TIAM2: variants seen among roughly 807,000 people sequenced by gnomAD.
The protein encoded by TIAM2 is rho guanine nucleotide exchange factor TIAM2.
In TIAM2, 80 loss-of-function variants were observed where a neutral mutation model predicts 152.9. The ratio of observed to expected loss-of-function variants is 0.52; its 90% CI spans 0.44 to 0.63. The LOEUF is 0.63. TIAM2 is among the 30% of genes least tolerant of loss of function. The probability of loss-of-function intolerance (pLI) is 0.00; values close to 1 mark genes in which losing one functional copy is unlikely to be tolerated. For missense variants in TIAM2, 1,965 were observed against 2,120.1 expected, an observed-to-expected ratio of 0.93 and a Z score of 1.44; for synonymous variants, 804 against 838.0, an observed-to-expected ratio of 0.96 and a Z score of 0.70.
At chr6:155,053,631 C>T (rs1777373506) in intron 1 of TIAM2, among the ~76,000 whole-genome samples, 1 of 152,032 alleles carries the variant, frequency 6.6e-6, no homozygotes, top group Non-Finnish European at 1.5e-5. Context: ...CCACCATGCC[C>T]AGCTAATTTT....
chr6:155,195,984 A>C (rs1314030222), intron 14 of TIAM2, among the ~76,000 whole-genome samples: 8 of 152,208 alleles, frequency 5.3e-5, no homozygotes, highest in Non-Finnish European at 7.3e-5. Flanking sequence ...GAGGGAAGGG[A>C]GAAGCCGTTG....
At chr6:155,092,050 A>G (rs1030866957) in intron 2 of TIAM2, among the ~76,000 whole-genome samples, 1 of 152,024 alleles carries the variant, frequency 6.6e-6, no homozygotes, top group Admixed American at 6.5e-5. Context: ...GGCCCACACC[A>G]CTGGGCCCGG....
intron 15 of TIAM2, among the ~76,000 whole-genome samples, chr6:155,220,128 G>T (rs997272430): frequency 1.3e-5 from 2 of 152,250 alleles, no homozygotes; most frequent in African/African-American, 4.8e-5. Flanking sequence ...AAAGTGGGCA[G>T]TGGGGCTGTT....
In TIAM2 at chr6:155,054,193, A is replaced by G. The variant is rs1418166303; in HGVS notation, c.-208-36096A>G. Among the ~76,000 whole-genome samples, 4 of 151,978 alleles carry G rather than the reference A, an allele frequency of 2.6e-5. No individual in the cohort carries two copies. The East Asian group carries it at 7.7e-4, about 29-fold the overall frequency. ...CATCTCACAAACAAAACAAAACAAA[A>G]CAAAAACCACTGTTGGTCTCTGTGA... On this transcript the variant is annotated intron_variant, in intron 1 of 26. Transcript: ENST00000682666.
intron 1 of TIAM2, among the ~76,000 whole-genome samples, chr6:155,044,897 CT>C (rs1777132196): frequency 6.6e-6 from 1 of 151,832 alleles, no homozygotes; most frequent in Non-Finnish European, 1.5e-5. Context: ...GTGTTTTGCT[CT>C]CTGTTTTTCA....
intron 9 of TIAM2, among the ~76,000 whole-genome samples, chr6:155,166,647 A>G (rs1780445528): frequency 6.6e-6 from 1 of 152,190 alleles, no homozygotes. Context: ...TTAAGGAAAA[A>G]TAGTCTAAGC....
intron 1 of TIAM2, among the ~76,000 whole-genome samples, chr6:155,057,891 A>G (rs542343505): frequency 4.2e-4 from 64 of 152,242 alleles, no homozygotes; most frequent in African/African-American, 1.5e-3. Context: ...CAGTCCACAC[A>G]TAAGTTATCT....
chr6:155,196,723 A>G (rs937106176), intron 14 of TIAM2, among the ~76,000 whole-genome samples: 1 of 152,244 alleles, frequency 6.6e-6, no homozygotes, highest in African/African-American at 2.4e-5. Flanking sequence ...GAATAAATCA[A>G]TAGGCTTTGA....
chr6:155,056,925 C>T (rs530523009), intron 1 of TIAM2, among the ~76,000 whole-genome samples: 1 of 150,252 alleles, frequency 6.7e-6, no homozygotes, highest in South Asian at 2.1e-4. Context: ...TTAGCTGTGA[C>T]AGTTTCTGAG....
intron 20 of TIAM2, among the ~76,000 whole-genome samples, chr6:155,248,505 C>T (rs536838862): frequency 9.2e-5 from 14 of 152,332 alleles, no homozygotes; most frequent in African/African-American, 3.4e-4. Flanking sequence ...AACAGTGCCG[C>T]TGGAACTGAA....
Position 155,183,259 on chromosome 6 carries a change from C to A in TIAM2, c.2823C>A (p.Ile941=). 3 of 1,614,174 alleles carry A rather than the reference C, an allele frequency of 1.9e-6. No individual in the cohort carries two copies. The highest frequency in any genetic ancestry group is 1.7e-6 in the Non-Finnish European group (2 of 1,180,010). ...CAGGGCTGAGAAAGGGCAATGAGAT[C>A]ATGACCTTAAATGGGGAAGCTGTGT... The part of the protein sequence containing the change: ...YGEGLRKGNE[I]MTLNGEAVSD... The change falls in exon 14 of 27, where the codon ATC becomes ATA. Residue 941 remains isoleucine, a synonymous_variant. Transcript: ENST00000682666.
chr6:155,151,077 G>C (rs1450336208), intron 7 of TIAM2, among the ~76,000 whole-genome samples: 2 of 152,208 alleles, frequency 1.3e-5, no homozygotes, highest in East Asian at 3.8e-4. Context: ...TCAGGCATCT[G>C]GGAATAGCTT....
chr6:155,093,764 T>C (rs1328048209), intron 2 of TIAM2, among the ~76,000 whole-genome samples: 1 of 152,240 alleles, frequency 6.6e-6, no homozygotes. Context: ...ACATGGCCTC[T>C]GCGGCCCTTT....
intron 9 of TIAM2, among the ~76,000 whole-genome samples, 159 bp downstream of exon 9, chr6:155,165,568 G>T (rs1280818831): frequency 6.6e-6 from 1 of 152,174 alleles, no homozygotes; most frequent in Non-Finnish European, 1.5e-5. Flanking sequence ...GGGAGGGCAA[G>T]GCAGGAGGGC....
At chr6:154,999,115 A>G (rs76884902) in intron 1 of TIAM2, among the ~76,000 whole-genome samples, 2,173 of 152,282 alleles carry the variant, frequency 0.014, 31 homozygotes, top group Middle Eastern at 0.058. Context: ...TGTATTTCTT[A>G]AATGCCATAA....
At chr6:155,179,530 C>A (rs1053386400) in intron 12 of TIAM2, 74 bp downstream of exon 12, 4 of 1,398,878 alleles carry the variant, frequency 2.9e-6, no homozygotes, top group Non-Finnish European at 3.9e-6. Flanking sequence ...CATCTTTGGA[C>A]TTAATTTTTT....
chr6:155,047,696 A>AG (rs1203081358), intron 1 of TIAM2, among the ~76,000 whole-genome samples: 351 of 13,732 alleles, frequency 0.026, 16 homozygotes, highest in African/African-American at 0.069. Flanking sequence ...GAGGAGAGAG[A>AG]GAGAGAGAGC....
chr6:155,193,258 G>T (rs896265609), intron 14 of TIAM2, among the ~76,000 whole-genome samples: 2 of 152,140 alleles, frequency 1.3e-5, no homozygotes, highest in African/African-American at 4.8e-5. Flanking sequence ...TAAAAAATTA[G>T]CTGGGCATGG....
Position 155,174,819 on chromosome 6 carries a change from T to C in TIAM2, c.2362-1997T>C, listed in dbSNP as rs1780723074. Among the ~76,000 whole-genome samples, 1 of 152,240 alleles carries C rather than the reference T, an allele frequency of 6.6e-6. No individual in the cohort carries two copies. Among genetic ancestry groups the C allele is most frequent in the Non-Finnish European group, 1.5e-5 (1 of 68,048 alleles). Reference sequence around the variant, plus strand: ...CTCCAAAAGTGCAGCAGTAAATTAATTGCTCTGTCACCCTCAGTGGGAGCC... The same window carrying C: ...CTCCAAAAGTGCAGCAGTAAATTAACTGCTCTGTCACCCTCAGTGGGAGCC... On this transcript the variant is annotated intron_variant, in intron 9 of 26. Transcript: ENST00000682666. This position sits in a 1 kb window ranked among gnomAD's most constrained non-coding sequence, Gnocchi z 4.2.
Sources: allele counts gnomAD v4.1 joint callset (sites outside exome capture counted in the v4.1 genomes callset), GRCh38; gene constraint gnomAD v4.1.1; non-coding constraint Gnocchi (gnomAD v3.1); transcripts MANE v1.5; gene names NCBI Gene and HGNC (gene_info 2026-07-23, HGNC 2026-07-21).